The following ERBB3 variants were observed in gnomAD, a reference collection of about 807,000 sequenced individuals.
ERBB3 encodes erb-b2 receptor tyrosine kinase 3.
ERBB3 carries 96 observed loss-of-function variants against 156.7 expected under a neutral mutation model. The observed-to-expected ratio is 0.61, with a 90% CI of 0.52 to 0.73. The LOEUF (loss-of-function observed/expected upper bound fraction) is 0.73. Among genes scored for constraint, ERBB3 ranks in the 30% least tolerant of loss-of-function variants. The probability of loss-of-function intolerance (pLI) is 0.00; values close to 1 mark genes in which losing one functional copy is unlikely to be tolerated. For synonymous variants in ERBB3, 567 were observed against 632.0 expected (o/e 0.90, Z 1.54); for missense variants, 1,406 against 1,709.4 (o/e 0.82, Z 3.13).
rs1868538483 is a variant in ERBB3 at position 56,087,850 on chromosome 12, C to T, written c.669C>T (p.Pro223=). The T allele has an allele frequency of 1.9e-6, 3 of 1,614,212 alleles. No individual in the cohort carries two copies. The highest frequency in any genetic ancestry group is 2.5e-6 in the Non-Finnish European group (3 of 1,180,026). The change falls in exon 6 of 28, where the codon CCC becomes CCT. Residue 223 remains proline (P), a synonymous_variant. Coordinates refer to ENST00000267101, the MANE Select transcript of ERBB3 (RefSeq NM_001982.4). ...QCNGHCFGPN[P]NQCCHDECAG... Reference sequence around the variant, plus strand: ...ATGGTCACTGCTTTGGGCCCAACCCCAACCAGTGCTGCCATGATGAGTGTG... The same window carrying T: ...ATGGTCACTGCTTTGGGCCCAACCCTAACCAGTGCTGCCATGATGAGTGTG...
In ERBB3 at chr12:56,085,341, G is replaced by GCC; in HGVS notation, c.421+164_421+165dup. The GCC allele has an allele frequency of 2.7e-6, 4 of 1,489,110 alleles. No homozygotes were observed. The South Asian group carries it at 5.5e-5, about 20-fold the overall frequency. 92.2% of individuals were successfully genotyped at this position (1,489,110 alleles called of 1,614,324 possible). A position where few individuals can be genotyped will look rare whatever the true frequency, so the allele number is the denominator to read the frequency against. On this transcript the variant is annotated intron_variant, in intron 3 of 27. Transcript: ENST00000267101. Reference sequence around the variant, plus strand: ...TCCATTGCTCCCTAAGCAATAGAGGGCCCCCAGTAGGGGGAGCTAGGGGCA... The same window carrying GCC: ...TCCATTGCTCCCTAAGCAATAGAGGGCCCCCCCAGTAGGGGGAGCTAGGGGCA...
chr12:56,095,520 G>A (rs1458238088), intron 16 of ERBB3, 145 bp from the exon 17 acceptor site: 2 of 1,044,862 alleles, frequency 1.9e-6, no homozygotes, highest in Non-Finnish European at 2.9e-6. Context: ...CCAGATTTAG[G>A]TTGGTCCCTT....
chr12:56,088,314 C>G (rs966330728), intron 7 of ERBB3, 152 bp downstream of exon 7: 1 of 914,624 alleles, frequency 1.1e-6, no homozygotes, highest in East Asian at 2.6e-5. Context: ...GTGACCCTTA[C>G]GTCCAGTCCT....
chr12:56,094,617 G>C (rs1868833188), intron 15 of ERBB3, 61 bp downstream of exon 15: 3 of 1,574,750 alleles, frequency 1.9e-6, no homozygotes, highest in Admixed American at 3.4e-5. Flanking sequence ...CAGAACTAGA[G>C]TGAGGGAAGC....
At chr12:56,081,732 C>A (rs1368959541) in intron 1 of ERBB3, among the ~76,000 whole-genome samples, 1 of 152,028 alleles carries the variant, frequency 6.6e-6, no homozygotes, top group Non-Finnish European at 1.5e-5. Context: ...TCTGGGCATC[C>A]GGCCCTGTCT....
rs576402458 is a variant in ERBB3, at chr12:56,097,842, G to A, written c.2518G>A (p.Val840Met). The A allele has an allele frequency of 5.0e-6, 8 of 1,614,032 alleles. No individual in the cohort carries two copies. Among genetic ancestry groups the A allele is most frequent in the African/African-American group, 2.7e-5 (2 of 75,016 alleles). Residue 840 changes from valine to methionine, a missense_variant, in exon 21 of 28, where the codon GTG becomes ATG. Transcript: ENST00000267101. ...GCATAGAAACCTGGCTGCCCGAAAC[G>A]TGCTACTCAAGTCACCCAGTCAGGT... ...MVHRNLAARNVLLKSPSQVQV... is the reference protein window; with the variant it reads ...MVHRNLAARNMLLKSPSQVQV...
In ERBB3 at chr12:56,100,044, A is replaced by C; in HGVS notation, c.3129+15A>C. On this transcript the variant is annotated intron_variant, in intron 25 of 27. Coordinates refer to ENST00000267101, the MANE Select transcript of ERBB3 (RefSeq NM_001982.4). ...GGCCACGTGGGGTAAGACAACTTCT[A>C]ATTACCCAACACTTTGCACCCTGAG... is the stretch of plus-strand genomic sequence containing the variant. 2.5e-6 allele frequency: 4 copies of C among 1,612,586 alleles called. No individual in the cohort carries two copies. The South Asian group carries it at 3.3e-5, about 13-fold the overall frequency.
chr12:56,095,031 C>A (rs1345555394), intron 15 of ERBB3, among the ~76,000 whole-genome samples: 1 of 151,994 alleles, frequency 6.6e-6, no homozygotes, highest in Non-Finnish European at 1.5e-5. Context: ...CAAAATTACA[C>A]CACAGTTTTG....
intron 17 of ERBB3, 99 bp downstream of exon 17, chr12:56,095,905 G>A: frequency 2.4e-6 from 3 of 1,253,488 alleles, no homozygotes; most frequent in Non-Finnish European, 3.5e-6. Context: ...TGCACCCAGG[G>A]GTCAGTGATG....
rs1868551010 is a variant in ERBB3 at position 56,088,165 on chromosome 12, A to G, written c.874+3A>G. On this transcript the variant is annotated splice_donor_region_variant and intron_variant, in intron 7 of 27. Transcript: ENST00000267101. ...AGTTTGTGTAGCCAGCTGTCCCCGT[A>G]AGTGTCTGAGGGGAAGGAACAATGA... 6.2e-7 allele frequency: 1 copy of G among 1,613,970 alleles called. No homozygotes were observed. Among genetic ancestry groups the G allele is most frequent in the Non-Finnish European group, 8.5e-7 (1 of 1,179,982 alleles).
Position 56,092,798 on chromosome 12 carries a change from C to T in ERBB3, c.1161C>T (p.Phe387=), listed in dbSNP as rs1225104325. 2 of 1,614,012 alleles carry T rather than the reference C, an allele frequency of 1.2e-6. No homozygotes were observed. Among genetic ancestry groups the T allele is most frequent in the African/African-American group, 2.7e-5 (2 of 74,930 alleles). ...PALDPEKLNV[F]RTVREITGYL... ...TGGACCCAGAGAAGCTCAATGTCTT[C>T]CGGACAGTACGGGAGATCACAGGTG... Residue 387 remains phenylalanine (F), a synonymous_variant, in exon 10 of 28, where the codon TTC becomes TTT. Coordinates refer to ENST00000267101, the MANE Select transcript of ERBB3 (RefSeq NM_001982.4).
rs142809206 is a variant in ERBB3 at position 56,101,820 on chromosome 12, G to C, written c.3794G>C (p.Arg1265Pro). The change falls in exon 28 of 28, where the codon CGG (arginine) becomes CCG (proline). Residue 1265 changes from arginine to proline, a missense_variant. Around this residue, in one of 3 missense-constraint regions of ERBB3, gnomAD observed 415 missense variants for 454.1 expected, o/e 0.91. Coordinates refer to ENST00000267101, the MANE Select transcript of ERBB3 (RefSeq NM_001982.4). Reference protein sequence around the residue: ...TPDEDYEYMNRQRDGGGPGGD... With the variant: ...TPDEDYEYMNPQRDGGGPGGD... ...GATGAAGACTATGAATATATGAATC[G>C]GCAACGAGATGGAGGTGGTCCTGGG... is the stretch of plus-strand genomic sequence containing the variant. 5.3e-5 allele frequency: 85 copies of C among 1,612,880 alleles called. No homozygotes were observed. The highest frequency in any genetic ancestry group is 6.8e-5 in the Non-Finnish European group (80 of 1,179,794).
chr12:56,100,880 A>C (rs1276731206), intron 26 of ERBB3, among the ~76,000 whole-genome samples, 181 bp from the exon 27 acceptor site: 1 of 142,138 alleles, frequency 7.0e-6, no homozygotes, highest in Non-Finnish European at 1.5e-5. Context: ...CAGAGGCTGC[A>C]GTGAGCCAAG....
intron 9 of ERBB3, among the ~76,000 whole-genome samples, chr12:56,089,766 G>T (rs2136801252): frequency 6.6e-6 from 1 of 151,190 alleles, no homozygotes; most frequent in Non-Finnish European, 1.5e-5. Context: ...GAAAAGAAAA[G>T]AAAATTCTGT....
rs1365609820 is a variant in ERBB3, at chr12:56,095,806, GGTGA to G, written c.2055+3_2055+6del. 1 of 1,614,036 alleles carries G rather than the reference GGTGA, an allele frequency of 6.2e-7. No homozygotes were observed. Among genetic ancestry groups the G allele is most frequent in the Non-Finnish European group, 8.5e-7 (1 of 1,180,030 alleles). ...TGAGGCGATACTTGGAACGGGGTGA[GGTGA>G]GTACTTAGCTTACTTTTGTTTTTTC... On this transcript the variant is annotated splice_donor_variant and splice_donor_region_variant and intron_variant, in intron 17 of 27. Transcript: ENST00000267101. LOFTEE classifies it high-confidence loss of function.
chr12:56,083,983 T>C, intron 2 of ERBB3, 81 bp downstream of exon 2: 2 of 1,381,062 alleles, frequency 1.4e-6, no homozygotes, highest in South Asian at 2.3e-5. Flanking sequence ...AGGGCTACCT[T>C]CTGCTGGAGT....
At chr12:56,086,297 T>C (rs1245128154) in intron 3 of ERBB3, among the ~76,000 whole-genome samples, 1 of 152,002 alleles carries the variant, frequency 6.6e-6, no homozygotes, top group African/African-American at 2.4e-5. Context: ...TCCCTTCCCC[T>C]CCCCCACTAG....
intron 16 of ERBB3, 33 bp from the exon 17 acceptor site, chr12:56,095,632 C>G: frequency 6.2e-7 from 1 of 1,613,624 alleles, no homozygotes; most frequent in Non-Finnish European, 8.5e-7. Context: ...GATGCAAACC[C>G]AGGATAATGT....
chr12:56,086,798 G>C, intron 4 of ERBB3, 142 bp downstream of exon 4: 2 of 986,250 alleles, frequency 2.0e-6, no homozygotes, highest in Non-Finnish European at 3.2e-6. Context: ...AGCCCACCAG[G>C]GCAGACCATT....
Sources: allele counts gnomAD v4.1 joint callset (sites outside exome capture counted in the v4.1 genomes callset), GRCh38; gene constraint gnomAD v4.1.1; regional missense constraint gnomAD v4.1.1; transcripts MANE v1.5; gene names NCBI Gene and HGNC (gene_info 2026-07-23, HGNC 2026-07-21).